Variants in MGAT4C observed in about 807,000 individuals in gnomAD.
The protein encoded by MGAT4C is alpha-1,3-mannosyl-glycoprotein 4-beta-N-acetylglucosaminyltransferase C.
MGAT4C carries 19 observed loss-of-function variants against 40.1 expected under a neutral mutation model. That is an observed-to-expected ratio of 0.47 (90% confidence interval 0.33 to 0.70). The LOEUF is 0.70. Among genes scored for constraint, MGAT4C ranks in the 30% least tolerant of loss-of-function variants. MGAT4C has a pLI of 0.02. For missense variants in MGAT4C, 491 were observed against 563.2 expected, an observed-to-expected ratio of 0.87 and a Z score of 1.30; for synonymous variants, 181 against 187.1, an observed-to-expected ratio of 0.97 and a Z score of 0.27.
At chr12:85,989,590 T>G in intron 2 of MGAT4C, 38 bp from the exon 3 acceptor site, 1 of 1,532,088 alleles carries the variant, frequency 6.5e-7, no homozygotes, top group Non-Finnish European at 8.8e-7. Context: ...GCAGTTGGTT[T>G]TGGATGCAAA....
rs149504551 is a variant in MGAT4C, at chr12:86,051,294, C to A, written c.-56-1571G>T. Among the ~76,000 whole-genome samples the A allele has an allele frequency of 5.5e-4, 83 of 152,058 alleles. No individual in the cohort carries two copies. In the East Asian group the frequency reaches 0.013, roughly 23 times the overall value. ...AATTCAGGATACATTTTAACAGGAT[C>A]TGATTTTTTACAACTAGTTCATGAA... On this transcript the variant is annotated intron_variant, in intron 1 of 4. Coordinates refer to ENST00000611864, the MANE Select transcript of MGAT4C (RefSeq NM_001351288.2).
intron 3 of MGAT4C, among the ~76,000 whole-genome samples, chr12:86,365,682 G>GTTTT (rs568722124): frequency 7.4e-6 from 1 of 135,794 alleles, no homozygotes; most frequent in Admixed American, 7.5e-5. Flanking sequence ...TTTCCCCACT[G>GTTTT]TTTTTTTTTT....
In MGAT4C at chr12:86,055,646, A is replaced by G. The variant is rs142300498; in HGVS notation, c.-56-5923T>C. ...CATGTGATTTCCATGTATGCAAAGG[A>G]TCAACACTGGATACACATGTTAATA... On this transcript the variant is annotated intron_variant, in intron 1 of 4. Coordinates refer to ENST00000611864, the MANE Select transcript of MGAT4C (RefSeq NM_001351288.2). 8.8e-3 allele frequency among the ~76,000 whole-genome samples: 1,342 copies of G among 152,152 alleles called. 14 individuals are homozygous for G. Among genetic ancestry groups the G allele is most frequent in the Middle Eastern group, 0.034 (10 of 294 alleles).
At chr12:86,518,260 G>T (rs771828981) in intron 2 of MGAT4C, among the ~76,000 whole-genome samples, 2 of 152,096 alleles carry the variant, frequency 1.3e-5, no homozygotes, top group Non-Finnish European at 2.9e-5. Context: ...TTCTCCGAAA[G>T]AAACTACTAA....
At chr12:86,147,949 A>C (rs750814366) in intron 1 of MGAT4C, among the ~76,000 whole-genome samples, 1 of 152,198 alleles carries the variant, frequency 6.6e-6, no homozygotes, top group Non-Finnish European at 1.5e-5. Context: ...GCTAAATTTA[A>C]AGCCTCTTGA....
intron 1 of MGAT4C, among the ~76,000 whole-genome samples, chr12:86,206,849 A>G (rs1277804391): frequency 2.6e-5 from 4 of 152,248 alleles, no homozygotes; most frequent in Admixed American, 2.6e-4. Context: ...ATATATGGTC[A>G]AAGCACAAAC....
chr12:86,141,703 G>C (rs1882860173), intron 1 of MGAT4C, among the ~76,000 whole-genome samples: 1 of 152,156 alleles, frequency 6.6e-6, no homozygotes, highest in African/African-American at 2.4e-5. Context: ...TAATGTTCAA[G>C]TTTAGCTTTT....
At position 85,978,583 on chromosome 12, in the gene MGAT4C, T is replaced by C. The variant is rs1449137924; in HGVS notation, c.*706A>G. On this transcript the variant is annotated 3_prime_UTR_variant, in exon 5 of 5. Transcript: ENST00000611864. ...GAAAATATTGAGCTTAACTCTTCTT[T>C]TTTTTTTTCAAAAGGGAAACTTGAA... is the stretch of plus-strand genomic sequence containing the variant. 1 of 151,902 alleles carries C rather than the reference T, an allele frequency of 6.6e-6. No individual in the cohort carries two copies. The highest frequency in any genetic ancestry group is 1.5e-5 in the Non-Finnish European group (1 of 67,584). The allele number at this position is 151,902 out of a possible 1,614,324, so 9.4% of individuals were successfully genotyped here.
chr12:86,701,612 AC>A (rs533513448), intron 2 of MGAT4C, among the ~76,000 whole-genome samples: 75 of 152,224 alleles, frequency 4.9e-4, no homozygotes, highest in Non-Finnish European at 8.4e-4. Context: ...CCAATTAGCA[AC>A]CCTATAATGA....
intron 1 of MGAT4C, among the ~76,000 whole-genome samples, chr12:86,807,982 T>C (rs572770802): frequency 6.8e-6 from 1 of 146,846 alleles, no homozygotes; most frequent in South Asian, 2.2e-4. Flanking sequence ...TTTTTTTTCT[T>C]ATAAATTTGT....
chr12:86,494,289 T>TA (rs575483037), intron 2 of MGAT4C, among the ~76,000 whole-genome samples: 2 of 151,796 alleles, frequency 1.3e-5, no homozygotes, highest in East Asian at 1.9e-4. Flanking sequence ...ATCACATTAT[T>TA]AAAAAAAACC....
At chr12:86,453,327 G>A (rs781046254) in intron 2 of MGAT4C, among the ~76,000 whole-genome samples, 91 of 152,206 alleles carry the variant, frequency 6.0e-4, no homozygotes, top group Admixed American at 1.7e-3. Context: ...ATACCAAGAA[G>A]AGAGTTACAG....
intron 1 of MGAT4C, among the ~76,000 whole-genome samples, chr12:86,759,135 G>T (rs1951356795): frequency 6.6e-6 from 1 of 152,010 alleles, no homozygotes; most frequent in Admixed American, 6.6e-5. Flanking sequence ...AGATCATGTG[G>T]TATTTGTCTT....
chr12:86,187,750 CA>C (rs62814161), intron 1 of MGAT4C, among the ~76,000 whole-genome samples: 133,241 of 148,112 alleles, frequency 0.9, 59,966 homozygotes, highest in East Asian at 0.99. Context: ...CTTCCAACTG[CA>C]AAAAAAAAAA....
chr12:86,746,362 C>G (rs1326844198), intron 1 of MGAT4C, among the ~76,000 whole-genome samples: 1 of 151,562 alleles, frequency 6.6e-6, no homozygotes, highest in Non-Finnish European at 1.5e-5. Context: ...TCCTCCAAAG[C>G]TTTTGGTGAT....
chr12:86,179,927 T>TTAA (rs1887920214), intron 1 of MGAT4C, among the ~76,000 whole-genome samples: 1 of 152,212 alleles, frequency 6.6e-6, no homozygotes, highest in Admixed American at 6.5e-5. Context: ...GATACTAATG[T>TTAA]TAATCCCCAA....
At chr12:86,343,578 T>C (rs1311436351) in intron 3 of MGAT4C, among the ~76,000 whole-genome samples, 11 of 152,222 alleles carry the variant, frequency 7.2e-5, no homozygotes, top group African/African-American at 2.4e-4. Flanking sequence ...GAAATGGATT[T>C]ATGGTTCAAA....
intron 2 of MGAT4C, among the ~76,000 whole-genome samples, chr12:86,449,839 A>G (rs965355136): frequency 1.3e-5 from 2 of 152,110 alleles, no homozygotes; most frequent in African/African-American, 4.8e-5. Flanking sequence ...TCCAAATTTG[A>G]TGGAAATGTG....
intron 2 of MGAT4C, among the ~76,000 whole-genome samples, chr12:86,646,284 T>C (rs893511416): frequency 1.3e-5 from 2 of 151,874 alleles, no homozygotes; most frequent in South Asian, 2.1e-4. Context: ...CAAATTATTG[T>C]TTTTGAGTTC....
Sources: allele counts gnomAD v4.1 joint callset (sites outside exome capture counted in the v4.1 genomes callset), GRCh38; gene constraint gnomAD v4.1.1; transcripts MANE v1.5; gene names NCBI Gene and HGNC (gene_info 2026-07-23, HGNC 2026-07-21).